Variants in MTMR14 observed in about 807,000 individuals in gnomAD.
MTMR14 encodes the protein myotubularin related protein 14.
MTMR14 carries 48 observed loss-of-function variants against 86.3 expected under a neutral mutation model. The ratio of observed to expected loss-of-function variants is 0.56; its 90% CI spans 0.44 to 0.71. The LOEUF is 0.71. Ranked by LOEUF, MTMR14 falls within the 30% of genes least tolerant of loss-of-function variation. MTMR14 has a pLI of 0.00. For synonymous variants in MTMR14, 366 were observed against 326.1 expected, an observed-to-expected ratio of 1.12 and a Z score of -1.32; for missense variants, 780 against 834.6, an observed-to-expected ratio of 0.93 and a Z score of 0.81.
intron 2 of MTMR14, 124 bp downstream of exon 2, chr3:9,653,893 T>C (rs559486663): frequency 8.2e-6 from 11 of 1,347,396 alleles, no homozygotes; most frequent in Admixed American, 6.8e-5. Context: ...CTTATTGGCA[T>C]TTTTATTTAC....
intron 3 of MTMR14, among the ~76,000 whole-genome samples, chr3:9,663,275 C>CT (rs1248614730): frequency 6.6e-6 from 1 of 151,870 alleles, no homozygotes; most frequent in East Asian, 1.9e-4. Context: ...TGGGGAGAGT[C>CT]TGACTGTTGT....
In MTMR14 at chr3:9,654,705, G is replaced by C. The variant is rs148991800; in HGVS notation, c.308+936G>C. Among the ~76,000 whole-genome samples the C allele has an allele frequency of 1.8e-4, 28 of 152,366 alleles. No individual in the cohort carries two copies. In the East Asian group the frequency reaches 5.4e-3, roughly 29 times the overall value. ...TTGTGAGGAGTACCGCAGCAGTCAT[G>C]CTGCATAGTGCAGTAGCCCCTTGCT... On this transcript the variant is annotated intron_variant, in intron 2 of 18. Coordinates refer to ENST00000296003, the MANE Select transcript of MTMR14 (RefSeq NM_001077525.3).
rs556104791 is a variant in MTMR14, at chr3:9,662,390, A to G, written c.417+15A>G. 4 of 1,598,800 alleles carry G rather than the reference A, an allele frequency of 2.5e-6. No homozygotes were observed. Among genetic ancestry groups the G allele is most frequent in the Non-Finnish European group, 3.4e-6 (4 of 1,166,150 alleles). On this transcript the variant is annotated intron_variant, in intron 3 of 18. Transcript: ENST00000296003. ...TCAAGGGCAAGGTAAGGCCCATACC[A>G]TAGCTTCATGCTCCACGACTCTCTT...
At chr3:9,679,575 G>A (rs961189338) in intron 9 of MTMR14, among the ~76,000 whole-genome samples, 2 of 152,184 alleles carry the variant, frequency 1.3e-5, no homozygotes, top group African/African-American at 4.8e-5. Flanking sequence ...TGCGTGTGAG[G>A]AGGTACTCTG....
chr3:9,688,435 C>T (rs2076032407), intron 14 of MTMR14, among the ~76,000 whole-genome samples: 2 of 152,228 alleles, frequency 1.3e-5, no homozygotes, highest in Non-Finnish European at 2.9e-5. Context: ...TTGGGCCACA[C>T]TTGAACGCTC....
Position 9,653,675 on chromosome 3 carries a change from A to C in MTMR14, c.214A>C (p.Ser72Arg), listed in dbSNP as rs761153860. Residue 72 changes from serine (S) to arginine (R), a missense_variant, in exon 2 of 19, where the codon AGC becomes CGC. Coordinates refer to ENST00000296003, the MANE Select transcript of MTMR14 (RefSeq NM_001077525.3). ...GCTGTTTGGCCGAGACTACTGTTTC[A>C]GCGTGATTCCAAACACGAATGGGGA... ...LELFGRDYCF[S>R]VIPNTNGDIC... The C allele has an allele frequency of 8.1e-6, 13 of 1,614,076 alleles. No homozygotes were observed. In the African/African-American group the frequency reaches 1.7e-4, roughly 22 times the overall value.
chr3:9,652,857 A>G (rs1016370278), intron 1 of MTMR14, among the ~76,000 whole-genome samples: 3 of 151,578 alleles, frequency 2.0e-5, no homozygotes, highest in Non-Finnish European at 4.4e-5. Context: ...AAATATGCTC[A>G]CTTGAACCCA....
chr3:9,684,092 A>G (rs1266492609), intron 10 of MTMR14, among the ~76,000 whole-genome samples: 1 of 152,124 alleles, frequency 6.6e-6, no homozygotes. Context: ...GCACCCCTCA[A>G]AGCACTTCTG....
chr3:9,657,320 C>T (rs2047664604), intron 2 of MTMR14, among the ~76,000 whole-genome samples: 1 of 152,182 alleles, frequency 6.6e-6, no homozygotes, highest in Non-Finnish European at 1.5e-5. Flanking sequence ...TTCTAACAAG[C>T]TCTCAGGTAA....
intron 2 of MTMR14, among the ~76,000 whole-genome samples, chr3:9,658,821 A>G (rs2047758685): frequency 6.6e-6 from 1 of 152,252 alleles, no homozygotes; most frequent in African/African-American, 2.4e-5. Context: ...CAAGCCACCC[A>G]GTTTGGTAAG....
chr3:9,671,039 T>C lies in MTMR14; in HGVS notation c.555-9T>C. The C allele has an allele frequency of 6.2e-7, 1 of 1,614,088 alleles. No homozygotes were observed. Among genetic ancestry groups the C allele is most frequent in the Non-Finnish European group, 8.5e-7 (1 of 1,179,958 alleles). The stretch of plus-strand genomic sequence containing the variant: ...CCATGTAACTTCTCCCTCTGGCTCT[T>C]TATTTCAGAAGTGGTGACACGCATC... On this transcript the variant is annotated splice_polypyrimidine_tract_variant and intron_variant, in intron 5 of 18. Coordinates refer to ENST00000296003, the MANE Select transcript of MTMR14 (RefSeq NM_001077525.3).
Position 9,677,589 on chromosome 3 carries a change from C to T in MTMR14, c.822+202C>T, listed in dbSNP as rs2075624781. On this transcript the variant is annotated intron_variant, in intron 8 of 18. Transcript: ENST00000296003. This position sits in a 1 kb window ranked among gnomAD's most constrained non-coding sequence, Gnocchi z 4.2. ...ATTTTCATCATTATACTTTCCTCCC[C>T]CCTTTATTTCTCTTTTGTTTAAGGG... Among the ~76,000 whole-genome samples the T allele has an allele frequency of 6.6e-6, 1 of 151,998 alleles. No individual in the cohort carries two copies. Among genetic ancestry groups the T allele is most frequent in the African/African-American group, 2.4e-5 (1 of 41,358 alleles).
rs769535203 is a variant in MTMR14 at position 9,653,629 on chromosome 3, C to T, written c.168C>T (p.Arg56=). 13 of 1,614,120 alleles carry T rather than the reference C, an allele frequency of 8.1e-6. No homozygotes were observed. Among genetic ancestry groups the T allele is most frequent in the East Asian group, 4.5e-5 (2 of 44,874 alleles). ...GSGTGGSKVE[R]IEKRCLELFG... ...TCTCCTTCTCTGTGCAGGTTGAGCG[C>T]ATTGAGAAGAGATGTCTGGAGCTGT... Residue 56 remains arginine, a synonymous_variant, in exon 2 of 19, where the codon CGC becomes CGT. Coordinates refer to ENST00000296003, the MANE Select transcript of MTMR14 (RefSeq NM_001077525.3).
intron 17 of MTMR14, among the ~76,000 whole-genome samples, 170 bp from the exon 18 acceptor site, chr3:9,697,541 C>G (rs189918239): frequency 1.1e-4 from 17 of 152,214 alleles, no homozygotes; most frequent in Admixed American, 1.0e-3. Flanking sequence ...GTGATCTATT[C>G]TTTTTTCTCG....
chr3:9,692,802 T>G (rs1244833131), intron 17 of MTMR14, among the ~76,000 whole-genome samples: 2 of 152,204 alleles, frequency 1.3e-5, no homozygotes, highest in Non-Finnish European at 2.9e-5. Context: ...AGTTAGCTAC[T>G]CTTCCCCCAG....
chr3:9,680,844 C>A (rs529929585), intron 9 of MTMR14, among the ~76,000 whole-genome samples: 5 of 149,524 alleles, frequency 3.3e-5, no homozygotes, highest in Admixed American at 2.0e-4. Flanking sequence ...CTCAAAAAAA[C>A]AAACAAACAA....
intron 9 of MTMR14, among the ~76,000 whole-genome samples, chr3:9,682,842 A>G (rs2075811383): frequency 6.6e-6 from 1 of 152,142 alleles, no homozygotes; most frequent in African/African-American, 2.4e-5. Context: ...CCAGGAGCCC[A>G]GCACTTAGAG....
Position 9,696,877 on chromosome 3 carries a change from G to A in MTMR14, c.1614-834G>A, listed in dbSNP as rs547500452. Among the ~76,000 whole-genome samples, 17 of 152,324 alleles carry A rather than the reference G, an allele frequency of 1.1e-4. No homozygotes were observed. In the East Asian group the frequency reaches 1.4e-3, roughly 12 times the overall value. ...TGGGGACTGGGACCTGGGGTAGCAG[G>A]TGGAAGGGCCTTGTTTGATGTCTCC... On this transcript the variant is annotated intron_variant, in intron 17 of 18. Transcript: ENST00000296003.
intron 3 of MTMR14, among the ~76,000 whole-genome samples, chr3:9,668,465 C>T (rs2048377734): frequency 6.6e-6 from 1 of 152,196 alleles, no homozygotes; most frequent in Non-Finnish European, 1.5e-5. Flanking sequence ...ATGCAACAAC[C>T]ACCCAATCTG....
Sources: gnomAD v4.1 joint callset for allele counts (sites outside exome capture counted in the v4.1 genomes callset) on GRCh38, gnomAD v4.1.1 for gene constraint, Gnocchi (gnomAD v3.1) non-coding constraint, MANE v1.5 for transcripts, NCBI Gene and HGNC (gene_info 2026-07-23, HGNC 2026-07-21) for gene names.